The following RALGAPB variants were observed in gnomAD, a reference collection of about 807,000 sequenced individuals.
RALGAPB encodes the protein ral GTPase-activating protein subunit beta.
A neutral mutation model predicts 161.1 loss-of-function variants in RALGAPB; 25 were observed. The observed-to-expected ratio is 0.16, with a 90% CI of 0.11 to 0.22. RALGAPB has a LOEUF of 0.22. Among genes scored for constraint, RALGAPB ranks in the 10% least tolerant of loss-of-function variants. The pLI is 1.00. For synonymous variants in RALGAPB, 629 were observed against 626.1 expected, an observed-to-expected ratio of 1.00 and a Z score of -0.07; for missense variants, 1,391 against 1,815.2, an observed-to-expected ratio of 0.77 and a Z score of 4.25.
Position 38,553,998 on chromosome 20 carries a change from C to G in RALGAPB, c.3294C>G (p.Pro1098=). The change falls in exon 22 of 30, where the codon CCC becomes CCG. Residue 1098 remains proline (P), a synonymous_variant. Coordinates refer to ENST00000262879, the MANE Select transcript of RALGAPB (RefSeq NM_020336.4). ...SFPDPVTDCK[P]PPPAQEFQTA... is the part of the protein sequence containing the mutation. ...CTGACCCAGTTACGGATTGCAAGCCCCCGCCTCCTGCCCAGGAATTCCAAA... is the reference window on the plus strand; with the variant it reads ...CTGACCCAGTTACGGATTGCAAGCCGCCGCCTCCTGCCCAGGAATTCCAAA... The G allele has an allele frequency of 6.2e-7, 1 of 1,613,814 alleles. No homozygotes were observed. Among genetic ancestry groups the G allele is most frequent in the South Asian group, 1.1e-5 (1 of 91,058 alleles).
intron 2 of RALGAPB, among the ~76,000 whole-genome samples, chr20:38,490,004 A>T (rs1054766742): frequency 6.6e-6 from 1 of 151,100 alleles, no homozygotes; most frequent in African/African-American, 2.4e-5. Context: ...TTTCCTCTGG[A>T]ATTATACTTT....
At chr20:38,564,946 T>TCC (rs2087936547) in intron 24 of RALGAPB, among the ~76,000 whole-genome samples, 2 of 145,790 alleles carry the variant, frequency 1.4e-5, no homozygotes, top group Admixed American at 6.9e-5. Flanking sequence ...TCTTCCCCCC[T>TCC]CTCTCTCTCT....
chr20:38,487,644 G>T (rs762300039), intron 1 of RALGAPB, among the ~76,000 whole-genome samples: 14 of 152,166 alleles, frequency 9.2e-5, no homozygotes, highest in Admixed American at 1.3e-4. Context: ...ACCACTTACA[G>T]AAGTAAATTC....
At chr20:38,565,277 A>T in intron 24 of RALGAPB, 82 bp from the exon 25 acceptor site, 1 of 1,490,594 alleles carries the variant, frequency 6.7e-7, no homozygotes, top group South Asian at 1.2e-5. Context: ...TTTATTAACC[A>T]GTTAACATTT....
chr20:38,497,811 A>G (rs1426637157), intron 4 of RALGAPB, among the ~76,000 whole-genome samples: 3 of 152,146 alleles, frequency 2.0e-5, no homozygotes, highest in Non-Finnish European at 2.9e-5. Flanking sequence ...CGTAGTGGCT[A>G]TAATTCCAGC....
intron 10 of RALGAPB, among the ~76,000 whole-genome samples, chr20:38,523,024 T>C (rs1275854190): frequency 6.6e-6 from 1 of 152,116 alleles, no homozygotes; most frequent in Non-Finnish European, 1.5e-5. Context: ...CATGATGGCA[T>C]TTGCCTGTAG....
chr20:38,574,443 C>A, intron 29 of RALGAPB, 145 bp downstream of exon 29: 1 of 991,618 alleles, frequency 1.0e-6, no homozygotes, highest in Non-Finnish European at 1.4e-6. Context: ...AAAAAGGGAG[C>A]ATGTTTCGTT....
At chr20:38,566,039 G>A (rs1013118133) in intron 25 of RALGAPB, among the ~76,000 whole-genome samples, 7 of 152,206 alleles carry the variant, frequency 4.6e-5, no homozygotes, top group Non-Finnish European at 4.4e-5. Flanking sequence ...AATTAAGCCT[G>A]TTTGTTCATG....
chr20:38,569,054 C>T (rs982740724), intron 26 of RALGAPB: 2 of 152,152 alleles, frequency 1.3e-5, no homozygotes, highest in African/African-American at 4.8e-5. Flanking sequence ...ATCTCTTGGT[C>T]TGGACATTTT....
At chr20:38,502,063 A>C (rs1008619176) in intron 5 of RALGAPB, among the ~76,000 whole-genome samples, 3 of 152,238 alleles carry the variant, frequency 2.0e-5, no homozygotes, top group African/African-American at 7.2e-5. Context: ...CAATAGGTAA[A>C]GAAATGTAAA....
At chr20:38,499,767 T>C in intron 5 of RALGAPB, 134 bp downstream of exon 5, 1 of 736,958 alleles carries the variant, frequency 1.4e-6, no homozygotes, top group South Asian at 3.4e-5. Flanking sequence ...AGCCACTTTT[T>C]AAATATAGAT....
intron 4 of RALGAPB, among the ~76,000 whole-genome samples, chr20:38,499,073 A>G (rs1026061417): frequency 1.3e-5 from 2 of 152,202 alleles, no homozygotes; most frequent in African/African-American, 4.8e-5. Context: ...TAATGTGAGG[A>G]TTATATGAGG....
intron 10 of RALGAPB, among the ~76,000 whole-genome samples, chr20:38,524,169 A>G (rs905072928): frequency 6.6e-6 from 1 of 152,190 alleles, no homozygotes; most frequent in Non-Finnish European, 1.5e-5. Context: ...GTTAAAAACT[A>G]AGCTATATTC....
At chr20:38,519,010 A>G (rs540629478) in intron 9 of RALGAPB, among the ~76,000 whole-genome samples, 1 of 152,294 alleles carries the variant, frequency 6.6e-6, no homozygotes, top group African/African-American at 2.4e-5. Flanking sequence ...CAGAACTAGG[A>G]TCTATGTCTG....
In RALGAPB at chr20:38,558,374, A is replaced by G. The variant is rs2145473184; in HGVS notation, c.3452A>G (p.Tyr1151Cys). The G allele has an allele frequency of 3.7e-6, 6 of 1,609,060 alleles. No homozygotes were observed. The highest frequency in any genetic ancestry group is 4.5e-5 in the East Asian group (2 of 44,766). Residue 1151 changes from tyrosine to cysteine, a missense_variant, in exon 23 of 30, where the codon TAT (tyrosine) becomes TGT (cysteine). Transcript: ENST00000262879. ...CCTGGATTTTTTGATGACATTGGGT[A>G]TCTGGATCTCTTGCCATGTCGTCCT... Reference protein sequence around the residue: ...TIPGFFDDIGYLDLLPCRPFD... With the variant: ...TIPGFFDDIGCLDLLPCRPFD...
At chr20:38,536,719 G>A (rs1287357135) in intron 16 of RALGAPB, among the ~76,000 whole-genome samples, 2 of 152,156 alleles carry the variant, frequency 1.3e-5, no homozygotes, top group South Asian at 2.1e-4. Flanking sequence ...ACAAAGAGCC[G>A]ATAACCAGGT....
chr20:38,565,611 G>A (rs2185594), intron 25 of RALGAPB, 133 bp downstream of exon 25: 811,199 of 1,103,654 alleles, frequency 0.74, 308,418 homozygotes, highest in East Asian at 0.91. Context: ...ATAACAATAT[G>A]CAGAAGCACA....
At chr20:38,508,508 A>G (rs2085836169) in intron 5 of RALGAPB, among the ~76,000 whole-genome samples, 2 of 152,180 alleles carry the variant, frequency 1.3e-5, no homozygotes, top group South Asian at 4.1e-4. Context: ...ACTGAAGAGA[A>G]TTACTATATA....
rs896177355 is a variant in RALGAPB at position 38,576,640 on chromosome 20, C to T, written c.*1673C>T. ...AAGCTGGGCAATAAATTGATGTTTC[C>T]AGATGGTAACATGGGAGAGGGCATA... On this transcript the variant is annotated 3_prime_UTR_variant, in exon 30 of 30. Transcript: ENST00000262879. The T allele has an allele frequency of 6.6e-6, 1 of 152,198 alleles. No homozygotes were observed. The highest frequency in any genetic ancestry group is 2.4e-5 in the African/African-American group (1 of 41,358). 9.4% of individuals were successfully genotyped at this position (152,198 alleles called of 1,614,324 possible).
Sources: gnomAD v4.1 joint callset for allele counts (sites outside exome capture counted in the v4.1 genomes callset) on GRCh38, gnomAD v4.1.1 for gene constraint, MANE v1.5 for transcripts, NCBI Gene and HGNC (gene_info 2026-07-23, HGNC 2026-07-21) for gene names.